The following OPCML variants were observed in gnomAD, a reference collection of about 807,000 sequenced individuals.
OPCML encodes the protein opioid-binding protein/cell adhesion molecule.
OPCML carries 13 observed loss-of-function variants against 37.8 expected under a neutral mutation model. The observed-to-expected ratio is 0.34, with a 90% CI of 0.22 to 0.55. OPCML has a LOEUF of 0.55. Among genes scored for constraint, OPCML ranks in the 20% least tolerant of loss-of-function variants. OPCML has a pLI of 0.91. For synonymous variants in OPCML, 176 were observed against 168.8 expected (o/e 1.04, Z -0.33); for missense variants, 341 against 435.6 (o/e 0.78, Z 1.93).
chr11:132,415,418 G>A lies in OPCML; in HGVS notation c.*4775C>T, dbSNP rs797001616. On this transcript the variant is annotated 3_prime_UTR_variant, in exon 8 of 8. Coordinates refer to ENST00000524381, the MANE Select transcript of OPCML (RefSeq NM_001012393.5). ...CTCACAACTGCACTTGACATGTCAC[G>A]AAAATTTCCGAACGATTAAAAATGC... 8 of 152,126 alleles carry A rather than the reference G, an allele frequency of 5.3e-5. No individual in the cohort carries two copies. The highest frequency in any genetic ancestry group is 9.7e-5 in the African/African-American group (4 of 41,418). The allele number at this position is 152,126 out of a possible 1,614,324, so 9.4% of individuals were successfully genotyped here. A position where few individuals can be genotyped will look rare whatever the true frequency, so the allele number is the denominator to read the frequency against.
At chr11:133,464,794 T>A (rs943401783) in intron 1 of OPCML, among the ~76,000 whole-genome samples, 1 of 152,136 alleles carries the variant, frequency 6.6e-6, no homozygotes, top group Non-Finnish European at 1.5e-5. Context: ...CCTAAGATGG[T>A]TGTACAAGAG....
intron 3 of OPCML, among the ~76,000 whole-genome samples, chr11:132,655,378 C>T (rs529721703): frequency 9.9e-5 from 15 of 152,184 alleles, no homozygotes; most frequent in Non-Finnish European, 1.9e-4. Context: ...CCCTCAGAAA[C>T]GTTCAACAGA....
intron 1 of OPCML, among the ~76,000 whole-genome samples, chr11:133,234,116 TTAGAA>T (rs1202225243): frequency 6.6e-6 from 1 of 152,126 alleles, no homozygotes; most frequent in African/African-American, 2.4e-5. Flanking sequence ...AAGAGAGGGA[TTAGAA>T]TAGAATTGTT....
intron 1 of OPCML, among the ~76,000 whole-genome samples, chr11:133,107,151 G>A (rs574061331): frequency 1.3e-5 from 2 of 152,338 alleles, no homozygotes; most frequent in African/African-American, 2.4e-5. Flanking sequence ...CACCTATCCT[G>A]TGGTAGAACA....
At chr11:133,455,671 T>C (rs77461806) in intron 1 of OPCML, among the ~76,000 whole-genome samples, 5,344 of 152,300 alleles carry the variant, frequency 0.035, 224 homozygotes, top group African/African-American at 0.09. Context: ...GTAAAAGTGC[T>C]GAACAGCAGT....
At chr11:132,477,076 T>G (rs954448574) in intron 4 of OPCML, among the ~76,000 whole-genome samples, 2 of 152,224 alleles carry the variant, frequency 1.3e-5, no homozygotes, top group Non-Finnish European at 2.9e-5. Flanking sequence ...CAATAATACA[T>G]GGACTCTCAT....
chr11:133,085,082 C>T (rs1355483143), intron 1 of OPCML, among the ~76,000 whole-genome samples: 1 of 152,174 alleles, frequency 6.6e-6, no homozygotes, highest in Non-Finnish European at 1.5e-5. Flanking sequence ...AAATGGACTC[C>T]TTTATTTAAT....
chr11:133,035,779 T>A (rs1031115399), intron 1 of OPCML, among the ~76,000 whole-genome samples: 1 of 152,142 alleles, frequency 6.6e-6, no homozygotes, highest in Admixed American at 6.5e-5. Flanking sequence ...GTTGTCCTTA[T>A]AAGAAGAGGA....
At chr11:132,661,987 G>A (rs577469605) in intron 2 of OPCML, among the ~76,000 whole-genome samples, 5 of 152,326 alleles carry the variant, frequency 3.3e-5, no homozygotes, top group South Asian at 4.1e-4. Context: ...ATAAATGAGA[G>A]TCTGGAAGAG....
chr11:133,201,415 T>A (rs1490414954), intron 1 of OPCML, among the ~76,000 whole-genome samples: 2 of 151,938 alleles, frequency 1.3e-5, no homozygotes, highest in African/African-American at 4.8e-5. Flanking sequence ...AATAAATGAC[T>A]AGGTCCTACC....
At chr11:132,911,713 G>A (rs1417789287) in intron 2 of OPCML, among the ~76,000 whole-genome samples, 1 of 152,156 alleles carries the variant, frequency 6.6e-6, no homozygotes, top group African/African-American at 2.4e-5. Flanking sequence ...CACCCAAAGA[G>A]TGCAAATATG....
chr11:132,519,680 G>T (rs999401595), intron 4 of OPCML, among the ~76,000 whole-genome samples: 9 of 152,046 alleles, frequency 5.9e-5, no homozygotes, highest in Non-Finnish European at 1.0e-4. Flanking sequence ...ACATAAATTT[G>T]CTTTGCAAAA....
intron 3 of OPCML, among the ~76,000 whole-genome samples, chr11:132,548,975 G>A (rs533849755): frequency 2.0e-5 from 3 of 152,196 alleles, no homozygotes; most frequent in African/African-American, 4.8e-5. Context: ...AGGATTGTCA[G>A]AAGATTGGAA....
intron 4 of OPCML, among the ~76,000 whole-genome samples, chr11:132,451,799 T>C (rs946584941): frequency 1.3e-5 from 2 of 152,162 alleles, no homozygotes; most frequent in South Asian, 2.1e-4. Context: ...CAAAAGACTT[T>C]TTTTGTGTGT....
intron 1 of OPCML, among the ~76,000 whole-genome samples, chr11:133,155,816 C>T (rs1362825495): frequency 6.6e-6 from 1 of 152,170 alleles, no homozygotes; most frequent in Non-Finnish European, 1.5e-5. Flanking sequence ...ACACAGCTTT[C>T]CATCTACCCA....
intron 1 of OPCML, among the ~76,000 whole-genome samples, chr11:133,319,499 T>C (rs748658713): frequency 2.6e-5 from 4 of 152,362 alleles, no homozygotes; most frequent in Admixed American, 6.5e-5. Flanking sequence ...GCAACGCTTC[T>C]GTGATCTTCC....
rs57417327 is a variant in OPCML, at chr11:133,373,424, AATAT to A, written c.61+158836_61+158839del. On this transcript the variant is annotated intron_variant, in intron 1 of 7. Coordinates refer to ENST00000524381, the MANE Select transcript of OPCML (RefSeq NM_001012393.5). Reference sequence around the variant, plus strand: ...CTAAAAAAGTTAATTACTTAATTAAAATATATATATATATATATATATATACACA... The same window carrying A: ...CTAAAAAAGTTAATTACTTAATTAAAATATATATATATATATATATACACA... Among the ~76,000 whole-genome samples the A allele has an allele frequency of 3.7e-4, 43 of 117,742 alleles. 1 individual carries two copies. The highest frequency in any genetic ancestry group is 1.1e-3 in the African/African-American group (34 of 29,872). The allele number at this position is 117,742 out of a possible 152,430, so 77.2% of individuals were successfully genotyped here.
At chr11:132,458,492 A>G (rs2096090080) in intron 4 of OPCML, among the ~76,000 whole-genome samples, 1 of 152,194 alleles carries the variant, frequency 6.6e-6, no homozygotes. Flanking sequence ...AAGGAATAAG[A>G]ACTAATAAGA....
intron 2 of OPCML, among the ~76,000 whole-genome samples, chr11:132,833,762 T>C (rs1256912594): frequency 6.6e-6 from 1 of 152,192 alleles, no homozygotes; most frequent in Admixed American, 6.5e-5. Context: ...AGCTCCATTA[T>C]AATCATATGG....
Sources: gnomAD v4.1 joint callset for allele counts (sites outside exome capture counted in the v4.1 genomes callset) on GRCh38, gnomAD v4.1.1 for gene constraint, MANE v1.5 for transcripts, NCBI Gene and HGNC (gene_info 2026-07-23, HGNC 2026-07-21) for gene names.